SPIB: variants seen among roughly 807,000 people sequenced by gnomAD.
The protein encoded by SPIB is Spi-B transcription factor, also known as transcription factor Spi-B.
Under a neutral mutation model 31.9 loss-of-function variants are expected in SPIB, and 7 were observed. The ratio of observed to expected loss-of-function variants is 0.22; its 90% CI spans 0.12 to 0.41. The LOEUF is 0.41. Among genes scored for constraint, SPIB ranks in the 10% least tolerant of loss-of-function variants. The probability of loss-of-function intolerance (pLI) is 1.00; values close to 1 mark genes in which losing one functional copy is unlikely to be tolerated. For missense variants in SPIB, 327 were observed against 360.2 expected (o/e 0.91, Z 0.75); for synonymous variants, 176 against 158.9 (o/e 1.11, Z -0.81).
rs1161674631 is a variant in SPIB, at chr19:50,430,803, T to A, written c.*2467T>A. On this transcript the variant is annotated 3_prime_UTR_variant, in exon 6 of 6. Coordinates refer to ENST00000595883, the MANE Select transcript of SPIB (RefSeq NM_003121.5). Reference sequence around the variant, plus strand: ...TGACACCGCCTGAAATCCACCCCACTCCCAGGAGGAGGAGGAGGAAGGAAT... The same window carrying A: ...TGACACCGCCTGAAATCCACCCCACACCCAGGAGGAGGAGGAGGAAGGAAT... The A allele has an allele frequency of 6.6e-6, 1 of 150,522 alleles. No individual in the cohort carries two copies. The highest frequency in any genetic ancestry group is 1.5e-5 in the Non-Finnish European group (1 of 67,806). 9.3% of individuals were successfully genotyped at this position (150,522 alleles called of 1,614,324 possible).
chr19:50,427,950 C>A, intron 5 of SPIB, 88 bp from the exon 6 acceptor site: 3 of 1,370,726 alleles, frequency 2.2e-6, no homozygotes, highest in Non-Finnish European at 2.9e-6. Context: ...GAGATGGAGG[C>A]CGGGGTGGAA....
chr19:50,426,209 AAAAT>A (rs984531322), intron 5 of SPIB, among the ~76,000 whole-genome samples: 2 of 152,178 alleles, frequency 1.3e-5, no homozygotes, highest in African/African-American at 2.4e-5. Flanking sequence ...ACTCCAGCTC[AAAAT>A]AAATAAATAA....
At chr19:50,423,164 C>T in intron 4 of SPIB, 127 bp downstream of exon 4, 1 of 472,718 alleles carries the variant, frequency 2.1e-6, no homozygotes, top group Non-Finnish European at 3.7e-6. Context: ...CGAGGCAATC[C>T]ACTGCACTCC....
At chr19:50,423,870 A>T in intron 5 of SPIB, 115 bp downstream of exon 5, 4 of 1,231,122 alleles carry the variant, frequency 3.2e-6, no homozygotes, top group South Asian at 3.0e-5. Context: ...CAGCTCCCAG[A>T]TCCGCACCAC....
intron 5 of SPIB, among the ~76,000 whole-genome samples, chr19:50,426,254 G>C (rs572531716): frequency 8.0e-4 from 122 of 151,978 alleles, no homozygotes; most frequent in Admixed American, 1.2e-3. Context: ...AAGCAAGCAG[G>C]ATCAAGTTCC....
Position 50,428,487 on chromosome 19 carries a change from A to C in SPIB, c.*151A>C. ...GTAAGGGGAGTGCTGCCCTGCCATA[A>C]TCCCCAAGCCCAGCCCGGGCCTGTC... On this transcript the variant is annotated 3_prime_UTR_variant, in exon 6 of 6. Coordinates refer to ENST00000595883, the MANE Select transcript of SPIB (RefSeq NM_003121.5). The surrounding 1 kb of genome is among the most constrained non-coding windows in gnomAD (Gnocchi z 6.5). The C allele has an allele frequency of 2.2e-6, 2 of 894,922 alleles. No homozygotes were observed. Among genetic ancestry groups the C allele is most frequent in the Non-Finnish European group, 3.2e-6 (2 of 615,698 alleles). The allele number at this position is 894,922 out of a possible 1,614,324, so 55.4% of individuals were successfully genotyped here. A position where few individuals can be genotyped will look rare whatever the true frequency, so the allele number is the denominator to read the frequency against.
chr19:50,419,878 C>G (rs543801963), intron 1 of SPIB, 68 bp from the exon 2 acceptor site: 70 of 1,497,136 alleles, frequency 4.7e-5, no homozygotes, highest in Non-Finnish European at 6.3e-5. Flanking sequence ...CCCATCAGCC[C>G]CCAACCACTT....
intron 3 of SPIB, 106 bp downstream of exon 3, chr19:50,422,651 G>A (rs1601262005): frequency 7.6e-7 from 1 of 1,317,906 alleles, no homozygotes; most frequent in Admixed American, 1.9e-5. Context: ...GATAAAGGTG[G>A]CCCGGGCCTA....
chr19:50,422,393 T>TC (rs1204306230), intron 2 of SPIB, 80 bp from the exon 3 acceptor site: 2 of 1,245,962 alleles, frequency 1.6e-6, no homozygotes, highest in Non-Finnish European at 2.3e-6. Context: ...TGTGTTGGAG[T>TC]CTCCCCAAGG....
chr19:50,422,179 G>A (rs942171917), intron 2 of SPIB, among the ~76,000 whole-genome samples: 4 of 152,182 alleles, frequency 2.6e-5, no homozygotes, highest in Non-Finnish European at 4.4e-5. Flanking sequence ...TTCTCCAGGC[G>A]CCCTGATTCG....
intron 5 of SPIB, 118 bp downstream of exon 5, chr19:50,423,873 C>T (rs1243502583): frequency 1.3e-5 from 15 of 1,190,856 alleles, no homozygotes; most frequent in African/African-American, 3.0e-5. Context: ...CTCCCAGATC[C>T]GCACCACCTG....
At position 50,423,016 on chromosome 19, in the gene SPIB, C is replaced by G; in HGVS notation, c.318C>G (p.Pro106=). The G allele has an allele frequency of 6.7e-7, 1 of 1,497,502 alleles. No individual in the cohort carries two copies. Among genetic ancestry groups the G allele is most frequent in the Non-Finnish European group, 9.0e-7 (1 of 1,113,452 alleles). 92.8% of individuals were successfully genotyped at this position (1,497,502 alleles called of 1,614,324 possible). The part of the protein sequence containing the change: ...EAPGPGLPAY[P]TENFASQTLV... ...CGGGGCCTGGCCTCCCTGCATACCCCACGGAGAACTTCGCTAGCCAGGTGA... is the reference window on the plus strand; with the variant it reads ...CGGGGCCTGGCCTCCCTGCATACCCGACGGAGAACTTCGCTAGCCAGGTGA... The change falls in exon 4 of 6, where the codon CCC becomes CCG. Residue 106 remains proline (P), a synonymous_variant. Transcript: ENST00000595883.
In SPIB at chr19:50,419,488, C is replaced by T. The variant is rs113184169; in HGVS notation, c.24-458C>T. 5.5e-3 allele frequency among the ~76,000 whole-genome samples: 831 copies of T among 152,252 alleles called. 13 individuals are homozygous for T. Among genetic ancestry groups the T allele is most frequent in the African/African-American group, 0.019 (772 of 41,538 alleles). ...CCTCCCCGCCTCTGTGCGTGAATGT[C>T]CCTTTGCACACCTTTCTCTGTGTCC... On this transcript the variant is annotated intron_variant, in intron 1 of 5. Coordinates refer to ENST00000595883, the MANE Select transcript of SPIB (RefSeq NM_003121.5).
rs140485354 is a variant in SPIB at position 50,426,184 on chromosome 19, G to A, written c.491-1854G>A. 1.8e-4 allele frequency among the ~76,000 whole-genome samples: 28 copies of A among 152,202 alleles called. No homozygotes were observed. The South Asian group carries it at 5.4e-3, about 29-fold the overall frequency. ...AGATCATGCCACTGCACTCCAGCCT[G>A]GGCAACAGAGCAAGACTCCAGCTCA... On this transcript the variant is annotated intron_variant, in intron 5 of 5. Coordinates refer to ENST00000595883, the MANE Select transcript of SPIB (RefSeq NM_003121.5).
At chr19:50,420,059 C>A in intron 2 of SPIB, 86 bp downstream of exon 2, 1 of 1,183,506 alleles carries the variant, frequency 8.4e-7, no homozygotes. Flanking sequence ...CTCAGTTTCC[C>A]CTCCCACCTC....
rs56204470 is a variant in SPIB at position 50,426,553 on chromosome 19, A to G, written c.491-1485A>G. Among the ~76,000 whole-genome samples, 1,333 of 152,126 alleles carry G rather than the reference A, an allele frequency of 8.8e-3. 18 individuals are homozygous for G. The highest frequency in any genetic ancestry group is 0.03 in the African/African-American group (1,258 of 41,524). The stretch of plus-strand genomic sequence containing the variant: ...CTTGTTGCCCAGGCTGAGTGCAATG[A>G]TATGATTTCAGCTCACTGCAACCTC... On this transcript the variant is annotated intron_variant, in intron 5 of 5. Transcript: ENST00000595883.
chr19:50,419,030 C>T (rs990893319), intron 1 of SPIB, 45 bp downstream of exon 1: 23 of 1,549,100 alleles, frequency 1.5e-5, no homozygotes, highest in Non-Finnish European at 1.9e-5. Flanking sequence ...CCCACCTGCA[C>T]TGCCCCTCTG....
intron 5 of SPIB, among the ~76,000 whole-genome samples, 165 bp from the exon 6 acceptor site, chr19:50,427,873 C>G (rs113133595): frequency 8.2e-6 from 1 of 122,664 alleles, no homozygotes; most frequent in Non-Finnish European, 1.7e-5. Context: ...CCCCCCCCCC[C>G]GTGGTGAGGG....
In SPIB at chr19:50,428,708, T is replaced by C; in HGVS notation, c.*372T>C. 1 of 235,626 alleles carries C rather than the reference T, an allele frequency of 4.2e-6. No individual in the cohort carries two copies. The highest frequency in any genetic ancestry group is 8.2e-6 in the Non-Finnish European group (1 of 122,674). The allele number at this position is 235,626 out of a possible 1,614,324, so 14.6% of individuals were successfully genotyped here. A position where few individuals can be genotyped will look rare whatever the true frequency, so the allele number is the denominator to read the frequency against. Reference sequence around the variant, plus strand: ...TGATTCCCCAGTGAGGCCTGGGACGTTTTTAAGATCGCTGTGTGTCTGTAA... The same window carrying C: ...TGATTCCCCAGTGAGGCCTGGGACGCTTTTAAGATCGCTGTGTGTCTGTAA... On this transcript the variant is annotated 3_prime_UTR_variant, in exon 6 of 6. Transcript: ENST00000595883. The surrounding 1 kb of genome is among the most constrained non-coding windows in gnomAD (Gnocchi z 6.5).
Sources: allele counts gnomAD v4.1 joint callset (sites outside exome capture counted in the v4.1 genomes callset), GRCh38; gene constraint gnomAD v4.1.1; non-coding constraint Gnocchi (gnomAD v3.1); transcripts MANE v1.5; gene names NCBI Gene and HGNC (gene_info 2026-07-23, HGNC 2026-07-21).